MSLN: variants seen among roughly 807,000 people sequenced by gnomAD.
MSLN encodes the protein mesothelin.
Under a neutral mutation model 72.6 loss-of-function variants are expected in MSLN, and 82 were observed. That is an observed-to-expected ratio of 1.13 (90% CI 0.94 to 1.36). The LOEUF (loss-of-function observed/expected upper bound fraction) is 1.36. Among genes scored for constraint, MSLN ranks in the 40% most tolerant of loss-of-function variants. The pLI, the probability that MSLN is intolerant of heterozygous loss-of-function variation, is 0.00. For synonymous variants in MSLN, 456 were observed against 387.3 expected (o/e 1.18, Z -2.08); for missense variants, 1,005 against 847.9 (o/e 1.19, Z -2.30).
chr16:767,251 C>G (rs1245212923), intron 15 of MSLN, 125 bp from the exon 16 acceptor site: 2 of 1,138,772 alleles, frequency 1.8e-6, no homozygotes, highest in Non-Finnish European at 2.6e-6. Flanking sequence ...TAGGCAAACC[C>G]AGGCCCTGGA....
At position 765,573 on chromosome 16, in the gene MSLN, C is replaced by T. The variant is rs373364624; in HGVS notation, c.751C>T (p.Leu251=). ...CTCCACGATGGACGCTCTGCGGGGC[C>T]TGCTGCCCGTGCTGGGCCAGCCCAT... The part of the protein sequence containing the change: ...SVSTMDALRG[L]LPVLGQPIIR... The change falls in exon 10 of 18, where the codon CTG becomes TTG. Residue 251 remains leucine (L), a synonymous_variant. Transcript: ENST00000545450. The T allele has an allele frequency of 4.2e-5, 67 of 1,606,366 alleles. No individual in the cohort carries two copies. The highest frequency in any genetic ancestry group is 5.4e-5 in the Non-Finnish European group (64 of 1,179,424).
chr16:761,452 C>T (rs914324971), intron 2 of MSLN, among the ~76,000 whole-genome samples: 1 of 152,216 alleles, frequency 6.6e-6, no homozygotes, highest in Non-Finnish European at 1.5e-5. Flanking sequence ...AGAGGCCCCT[C>T]AGAGCAGGAA....
At chr16:765,415 C>A in intron 9 of MSLN, 112 bp downstream of exon 9, 4 of 1,412,896 alleles carry the variant, frequency 2.8e-6, no homozygotes, top group Non-Finnish European at 3.8e-6. Flanking sequence ...CCCGCCACCA[C>A]CCCTGCCAAT....
In MSLN at chr16:766,910, A is replaced by G. The variant is rs895536874; in HGVS notation, c.1399A>G (p.Thr467Ala). The G allele has an allele frequency of 5.6e-6, 9 of 1,612,400 alleles. No individual in the cohort carries two copies. In the African/African-American group the frequency reaches 1.1e-4, roughly 19 times the overall value. Reference sequence around the variant, plus strand: ...GGCGGTCAGGCCCCAGGACCTGGACACGTGTGACCCAAGGCAGCTGGACGT... The same window carrying G: ...GGCGGTCAGGCCCCAGGACCTGGACGCGTGTGACCCAAGGCAGCTGGACGT... ...IWAVRPQDLD[T>A]CDPRQLDVLY... Residue 467 changes from threonine (T) to alanine (A), a missense_variant, in exon 15 of 18, where the codon ACG (threonine) becomes GCG (alanine). Coordinates refer to ENST00000545450, the MANE Select transcript of MSLN (RefSeq NM_005823.6).
rs769150212 is a variant in MSLN, at chr16:767,437, C to T, written c.1563C>T (p.Ala521=). The change falls in exon 16 of 18, where the codon GCC becomes GCT. Residue 521 remains alanine (A), a synonymous_variant. Transcript: ENST00000545450. ...AGCAGAATGTGAGCATGGACTTGGC[C>T]ACGTTCATGAAGCTGCGGACGGATG... ...LSQQNVSMDL[A]TFMKLRTDAV... is the part of the protein sequence containing the mutation. 1 of 1,591,328 alleles carries T rather than the reference C, an allele frequency of 6.3e-7. No individual in the cohort carries two copies. The highest frequency in any genetic ancestry group is 8.5e-7 in the Non-Finnish European group (1 of 1,171,304).
In MSLN at chr16:766,085, G is replaced by C. The variant is rs1412937272; in HGVS notation, c.922G>C (p.Ala308Pro). The change falls in exon 12 of 18, where the codon GCC (alanine) becomes CCC (proline). Residue 308 changes from alanine (A) to proline (P), a missense_variant. Physicochemically the swap from Ala to Pro is conservative, Grantham distance 27. Coordinates refer to ENST00000545450, the MANE Select transcript of MSLN (RefSeq NM_005823.6). ...EKTACPSGKKAREIDESLIFY... is the reference protein window; with the variant it reads ...EKTACPSGKKPREIDESLIFY... The stretch of plus-strand genomic sequence containing the variant: ...GACAGCCTGTCCTTCAGGCAAGAAG[G>C]CCCGCGAGATAGACGAGAGCCTCAT... 2 of 1,611,954 alleles carry C rather than the reference G, an allele frequency of 1.2e-6. No homozygotes were observed. Among genetic ancestry groups the C allele is most frequent in the Non-Finnish European group, 1.7e-6 (2 of 1,179,462 alleles).
At chr16:768,212 AGGGCAGCCATTGAGC>A (rs59667744) in intron 16 of MSLN, among the ~76,000 whole-genome samples, 152 bp from the exon 17 acceptor site, 2 of 151,700 alleles carry the variant, frequency 1.3e-5, no homozygotes, top group African/African-American at 4.8e-5. Flanking sequence ...GGCCTAGGGA[AGGGCAGCCATTGAGC>A]TGAGGTCAGC....
chr16:761,212 G>A (rs1419801637), intron 2 of MSLN, 38 bp downstream of exon 2: 1 of 152,280 alleles, frequency 6.6e-6, no homozygotes, highest in Non-Finnish European at 1.5e-5. Context: ...GTTGTGGTGT[G>A]GATGGAATCT....
intron 2 of MSLN, 76 bp from the exon 3 acceptor site, chr16:762,596 G>A: frequency 1.8e-6 from 2 of 1,128,794 alleles, no homozygotes; most frequent in East Asian, 2.4e-5. Context: ...CTGGGCCCAT[G>A]TGGCCCCAGG....
chr16:761,750 A>G (rs1490112738), intron 2 of MSLN, among the ~76,000 whole-genome samples: 2 of 152,178 alleles, frequency 1.3e-5, no homozygotes, highest in African/African-American at 4.8e-5. Context: ...TCCCCGCGAC[A>G]TTCCCCAGTG....
intron 2 of MSLN, 48 bp from the exon 3 acceptor site, chr16:762,624 C>T (rs1384839455): frequency 3.5e-5 from 50 of 1,424,712 alleles, no homozygotes; most frequent in South Asian, 6.9e-5. Context: ...AGGACAGAGG[C>T]GTGGGGTGGG....
intron 3 of MSLN, 125 bp downstream of exon 3, chr16:762,890 C>T (rs546635016): frequency 2.7e-6 from 2 of 750,274 alleles, no homozygotes; most frequent in Non-Finnish European, 4.3e-6. Flanking sequence ...CACGTCTCAG[C>T]AGCAGTCTCT....
At chr16:765,374 G>C in intron 9 of MSLN, 71 bp downstream of exon 9, 1 of 1,456,058 alleles carries the variant, frequency 6.9e-7, no homozygotes, top group Non-Finnish European at 9.1e-7. Flanking sequence ...GGACACTTGC[G>C]GCCATGCCTC....
intron 9 of MSLN, 97 bp from the exon 10 acceptor site, chr16:765,430 C>T (rs1210218103): frequency 7.0e-7 from 1 of 1,420,130 alleles, no homozygotes; most frequent in Non-Finnish European, 9.4e-7. Context: ...GCCAATGCCC[C>T]CAGCGTCCCC....
At chr16:766,591 C>T in intron 13 of MSLN, 77 bp from the exon 14 acceptor site, 2 of 1,609,080 alleles carry the variant, frequency 1.2e-6, no homozygotes, top group Non-Finnish European at 1.7e-6. Flanking sequence ...GGGTCAGGGG[C>T]ACGGCCTGAG....
chr16:767,977 G>C (rs2041657132), intron 16 of MSLN, among the ~76,000 whole-genome samples: 1 of 36,868 alleles, frequency 2.7e-5, no homozygotes, highest in Admixed American at 2.1e-4. Context: ...GCCGTGTGGG[G>C]GGGCGTGGAG....
chr16:768,028 AG>A (rs1191911782), intron 16 of MSLN, among the ~76,000 whole-genome samples: 1 of 26,034 alleles, frequency 3.8e-5, no homozygotes, highest in Non-Finnish European at 6.4e-5. Context: ...GGGGGTGTGG[AG>A]GGGGGCGCGT....
At chr16:762,586 C>T (rs1239671907) in intron 2 of MSLN, 86 bp from the exon 3 acceptor site, 1 of 1,022,774 alleles carries the variant, frequency 9.8e-7, no homozygotes, top group Admixed American at 2.0e-5. Flanking sequence ...GGAGCCCCTC[C>T]TGGGCCCATG....
At chr16:762,895 G>C in intron 3 of MSLN, 130 bp downstream of exon 3, 2 of 719,716 alleles carry the variant, frequency 2.8e-6, no homozygotes, top group South Asian at 1.8e-5. Flanking sequence ...CTCAGCAGCA[G>C]TCTCTGCCCC....
Sources: allele counts gnomAD v4.1 joint callset (sites outside exome capture counted in the v4.1 genomes callset), GRCh38; gene constraint gnomAD v4.1.1; transcripts MANE v1.5; gene names NCBI Gene and HGNC (gene_info 2026-07-23, HGNC 2026-07-21).